XRN1: variants seen among roughly 807,000 people sequenced by gnomAD.
XRN1 encodes strand-exchange protein 1 homolog.
A neutral mutation model predicts 222.3 loss-of-function variants in XRN1; 67 were observed. The observed-to-expected ratio is 0.30, with a 90% CI of 0.25 to 0.37. XRN1 has a LOEUF of 0.37. XRN1 is among the 10% of genes least tolerant of loss of function. The probability of loss-of-function intolerance (pLI) is 1.00; values close to 1 mark genes in which losing one functional copy is unlikely to be tolerated. For synonymous variants in XRN1, 643 were observed against 652.4 expected, an observed-to-expected ratio of 0.99 and a Z score of 0.22; for missense variants, 1,707 against 2,000.2, an observed-to-expected ratio of 0.85 and a Z score of 2.80.
At chr3:142,386,949 C>A (rs1387775974) in intron 20 of XRN1, among the ~76,000 whole-genome samples, 2 of 152,064 alleles carry the variant, frequency 1.3e-5, no homozygotes, top group Admixed American at 6.6e-5. Flanking sequence ...TGAATGTAGG[C>A]ATATGCTATG....
chr3:142,346,559 C>T (rs1001128726), intron 33 of XRN1, among the ~76,000 whole-genome samples: 17 of 151,880 alleles, frequency 1.1e-4, no homozygotes, highest in Admixed American at 1.1e-3. Context: ...TAGCTCACTG[C>T]AACCTCCGCC....
In XRN1 at chr3:142,375,950, T is replaced by G; in HGVS notation, c.2832-6A>C. On this transcript the variant is annotated splice_polypyrimidine_tract_variant and splice_region_variant and intron_variant, in intron 24 of 40. Transcript: ENST00000392981. The stretch of plus-strand genomic sequence containing the variant: ...CTTTATGGTCTCCATGAGGGCTGAA[T>G]TTAAACCACACATGCGCACACGTGC... The G allele has an allele frequency of 6.2e-7, 1 of 1,609,584 alleles. No individual in the cohort carries two copies. Among genetic ancestry groups the G allele is most frequent in the South Asian group, 1.1e-5 (1 of 90,864 alleles).
At chr3:142,429,935 G>A (rs2069451070) in intron 2 of XRN1, among the ~76,000 whole-genome samples, 1 of 152,160 alleles carries the variant, frequency 6.6e-6, no homozygotes, top group East Asian at 1.9e-4. Context: ...CAGGGAATCA[G>A]TTTTTTTCAG....
intron 29 of XRN1, among the ~76,000 whole-genome samples, chr3:142,361,963 C>CTTTTTTTTTTTTTTTT (rs71153961): frequency 1.2e-4 from 6 of 51,680 alleles, no homozygotes; most frequent in Admixed American, 3.2e-4. Flanking sequence ...CTTTTTCTCT[C>CTTTTTTTTTTTTTTTT]TTTTTTTTTT....
intron 20 of XRN1, among the ~76,000 whole-genome samples, chr3:142,392,959 T>C (rs1340831698): frequency 1.3e-5 from 2 of 149,984 alleles, no homozygotes; most frequent in African/African-American, 4.9e-5. Flanking sequence ...AAAGTGTTCC[T>C]ATTTCTCCAC....
chr3:142,313,234 G>T, intron 39 of XRN1: 2 of 1,530,774 alleles, frequency 1.3e-6, no homozygotes, highest in Non-Finnish European at 1.8e-6. Flanking sequence ...ATGACAGGTA[G>T]AATCTTTCTT....
At chr3:142,333,846 G>A (rs916988671) in intron 34 of XRN1, among the ~76,000 whole-genome samples, 2 of 152,096 alleles carry the variant, frequency 1.3e-5, no homozygotes, top group African/African-American at 2.4e-5. Context: ...GCACTTTACC[G>A]GATTCTAACT....
intron 32 of XRN1, among the ~76,000 whole-genome samples, chr3:142,353,423 A>G (rs987116256): frequency 7.2e-5 from 11 of 152,222 alleles, no homozygotes; most frequent in Admixed American, 1.3e-4. Flanking sequence ...TTATACTGTA[A>G]GTTTATATTA....
chr3:142,431,116 C>T lies in XRN1; in HGVS notation c.308+1545G>A, dbSNP rs78701024. ...GTCAATAATGTTCTCATTAGAAGAA[C>T]CTCTTAGTTCACTTTCTAGTTACCA... On this transcript the variant is annotated intron_variant, in intron 2 of 40. Coordinates refer to ENST00000392981, the MANE Select transcript of XRN1 (RefSeq NM_001282857.2). Among the ~76,000 whole-genome samples the T allele has an allele frequency of 5.1e-3, 783 of 152,314 alleles. 9 individuals are homozygous for T. Among genetic ancestry groups the T allele is most frequent in the African/African-American group, 0.018 (761 of 41,562 alleles).
Position 142,310,356 on chromosome 3 carries a change from C to A in XRN1, c.*1155G>T, listed in dbSNP as rs2065049890. On this transcript the variant is annotated 3_prime_UTR_variant, in exon 41 of 41. Coordinates refer to ENST00000392981, the MANE Select transcript of XRN1 (RefSeq NM_001282857.2). ...ATATATATATATATATAAACATAGG[C>A]CCTGCTGAGAAATCGTCATAAATTC... is the stretch of plus-strand genomic sequence containing the variant. 6.6e-6 allele frequency: 1 copy of A among 152,214 alleles called. No homozygotes were observed. Among genetic ancestry groups the A allele is most frequent in the South Asian group, 2.1e-4 (1 of 4,818 alleles). 9.4% of individuals were successfully genotyped at this position (152,214 alleles called of 1,614,324 possible).
At chr3:142,426,929 C>T (rs757678471) in intron 2 of XRN1, 88 bp from the exon 3 acceptor site, 39 of 931,238 alleles carry the variant, frequency 4.2e-5, no homozygotes, top group Non-Finnish European at 6.0e-5. Context: ...GCCTTTATAA[C>T]TAAAATAGTA....
intron 34 of XRN1, among the ~76,000 whole-genome samples, chr3:142,334,008 A>T (rs1266866361): frequency 6.6e-6 from 1 of 152,206 alleles, no homozygotes; most frequent in South Asian, 2.1e-4. Flanking sequence ...TTGTTATTAT[A>T]GCAGCCCAAA....
chr3:142,415,844 T>C (rs1489163080), intron 13 of XRN1, among the ~76,000 whole-genome samples: 3 of 152,236 alleles, frequency 2.0e-5, no homozygotes, highest in Non-Finnish European at 4.4e-5. Context: ...AAGTCTCTAG[T>C]ATTCACTGTA....
rs1482531342 is a variant in XRN1, at chr3:142,369,445, A to G, written c.3204+1040T>C. The stretch of plus-strand genomic sequence containing the variant: ...GTGGATCACCTGAGGTCAGAAGTTC[A>G]AGACCAGCCTGGCCAACAAGGCAAA... On this transcript the variant is annotated intron_variant, in intron 27 of 40. Transcript: ENST00000392981. Among the ~76,000 whole-genome samples the G allele has an allele frequency of 5.3e-5, 8 of 151,598 alleles. 1 individual carries two copies. Among genetic ancestry groups the G allele is most frequent in the Non-Finnish European group, 1.5e-5 (1 of 67,880 alleles).
chr3:142,311,629 A>G lies in XRN1; in HGVS notation c.4967T>C (p.Val1656Ala), dbSNP rs777934282. ...PIAQPASSFQVETASQGHSIS... is the reference protein window; with the variant it reads ...PIAQPASSFQAETASQGHSIS... ...ACTATGGCCTTGAGAGGCAGTTTCAACTTGAAAAGAAGATGCAGGTTGAGC... is the reference window on the plus strand; with the variant it reads ...ACTATGGCCTTGAGAGGCAGTTTCAGCTTGAAAAGAAGATGCAGGTTGAGC... Residue 1656 changes from valine to alanine, a missense_variant, in exon 41 of 41, where the codon GTT becomes GCT. Val to Ala is a moderately conservative substitution (Grantham distance 64, BLOSUM62 0). Coordinates refer to ENST00000392981, the MANE Select transcript of XRN1 (RefSeq NM_001282857.2). 5 of 1,614,166 alleles carry G rather than the reference A, an allele frequency of 3.1e-6. No homozygotes were observed. In the African/African-American group the frequency reaches 4.0e-5, roughly 13 times the overall value.
chr3:142,375,377 T>C (rs1035240895), intron 25 of XRN1, among the ~76,000 whole-genome samples: 3 of 152,202 alleles, frequency 2.0e-5, no homozygotes, highest in African/African-American at 7.2e-5. Flanking sequence ...GACTTGCTGA[T>C]TTCCTAGATA....
In XRN1 at chr3:142,365,297, A is replaced by G. The variant is rs780028692; in HGVS notation, c.3261+13T>C. On this transcript the variant is annotated intron_variant, in intron 28 of 40. Transcript: ENST00000392981. ...GAAAGCAACAACTCTGAATTCTTTG[A>G]TAGGAAACTTACTCTGTATAGCAAA... 1 of 1,592,158 alleles carries G rather than the reference A, an allele frequency of 6.3e-7. No homozygotes were observed. Among genetic ancestry groups the G allele is most frequent in the Admixed American group, 1.7e-5 (1 of 57,742 alleles).
chr3:142,446,902 C>T lies in XRN1; in HGVS notation c.75+968G>A, dbSNP rs1178964233. Among the ~76,000 whole-genome samples the T allele has an allele frequency of 1.3e-5, 2 of 152,188 alleles. 1 individual carries two copies. Among genetic ancestry groups the T allele is most frequent in the South Asian group, 4.1e-4 (2 of 4,836 alleles). On this transcript the variant is annotated intron_variant, in intron 1 of 40. Transcript: ENST00000392981. ...TAAACTACCTTCATGTTCGTAAATG[C>T]CGATTAAACCATAATTTAATAGGCT...
At chr3:142,326,342 T>C (rs2065516794) in intron 37 of XRN1, among the ~76,000 whole-genome samples, 1 of 152,084 alleles carries the variant, frequency 6.6e-6, no homozygotes, top group African/African-American at 2.4e-5. Context: ...TGTTTTATAA[T>C]AAGTTTTCAT....
Sources: allele counts gnomAD v4.1 joint callset (sites outside exome capture counted in the v4.1 genomes callset), GRCh38; gene constraint gnomAD v4.1.1; transcripts MANE v1.5; gene names NCBI Gene and HGNC (gene_info 2026-07-23, HGNC 2026-07-21).